Variants in FGGY observed in about 807,000 individuals in gnomAD.
FGGY encodes FGGY carbohydrate kinase domain-containing protein.
FGGY carries 72 observed loss-of-function variants against 71.3 expected under a neutral mutation model. The observed-to-expected ratio is 1.01, with a 90% CI of 0.84 to 1.23. The LOEUF (loss-of-function observed/expected upper bound fraction) is 1.23, where lower values mean the gene tolerates loss of function less well. FGGY is among the 50% of genes most tolerant of loss of function. The pLI is 0.00. For missense variants in FGGY, 668 were observed against 682.3 expected, an observed-to-expected ratio of 0.98 and a Z score of 0.23; for synonymous variants, 251 against 250.3, an observed-to-expected ratio of 1.00 and a Z score of -0.02.
chr1:59,716,142 T>A (rs2097844555), intron 14 of FGGY, among the ~76,000 whole-genome samples: 1 of 152,196 alleles, frequency 6.6e-6, no homozygotes, highest in South Asian at 2.1e-4. Flanking sequence ...CAGGTAGGAC[T>A]AGGATTTGAA....
At chr1:59,484,192 CA>C (rs1489808133) in intron 6 of FGGY, among the ~76,000 whole-genome samples, 4 of 152,114 alleles carry the variant, frequency 2.6e-5, no homozygotes, top group Admixed American at 2.6e-4. Flanking sequence ...GGCCTGACTC[CA>C]AAATCTCATG....
intron 14 of FGGY, among the ~76,000 whole-genome samples, chr1:59,681,891 C>T (rs1039782520): frequency 2.0e-5 from 3 of 152,052 alleles, no homozygotes; most frequent in Non-Finnish European, 2.9e-5. Context: ...AAAAGAGTTT[C>T]AGTTGCAGCA....
intron 14 of FGGY, among the ~76,000 whole-genome samples, chr1:59,700,916 G>C (rs1425101957): frequency 6.6e-6 from 1 of 152,176 alleles, no homozygotes; most frequent in East Asian, 1.9e-4. Context: ...AGGCCCTGGA[G>C]TGGGAATGAA....
intron 5 of FGGY, among the ~76,000 whole-genome samples, chr1:59,394,874 C>G (rs2061140839): frequency 6.6e-6 from 1 of 152,092 alleles, no homozygotes; most frequent in Non-Finnish European, 1.5e-5. Flanking sequence ...ACTCACCAGC[C>G]TTTCAGCCAC....
At chr1:59,755,006 G>A (rs2098278036) in intron 14 of FGGY, 1 of 152,186 alleles carries the variant, frequency 6.6e-6, no homozygotes, top group Admixed American at 6.5e-5. Context: ...CTGCTGGTCT[G>A]TGTCTTCCTG....
At chr1:59,640,925 A>G (rs1023459098) in intron 11 of FGGY, among the ~76,000 whole-genome samples, 4 of 151,032 alleles carry the variant, frequency 2.6e-5, no homozygotes, top group Admixed American at 6.6e-5. Context: ...GCCCTCAGGA[A>G]TATCACCATC....
chr1:59,507,778 C>T lies in FGGY; in HGVS notation c.671-4533C>T, dbSNP rs376715902. Among the ~76,000 whole-genome samples, 84 of 148,698 alleles carry T rather than the reference C, an allele frequency of 5.6e-4. 2 individuals are homozygous for T. In the South Asian group the frequency reaches 0.017, roughly 30 times the overall value. On this transcript the variant is annotated intron_variant, in intron 6 of 15. Transcript: ENST00000303721. ...CTCAAACTCCTGACTTTGTGATCTG[C>T]CTGCCTCGGCCTCCCAAAGTGCTGG...
chr1:59,553,867 T>G (rs944597799), intron 7 of FGGY: 8 of 337,898 alleles, frequency 2.4e-5, no homozygotes, highest in African/African-American at 1.0e-4. Context: ...ATTATGACAA[T>G]CACAATTACT....
At chr1:59,677,653 A>G (rs2097450173) in intron 14 of FGGY, among the ~76,000 whole-genome samples, 1 of 152,116 alleles carries the variant, frequency 6.6e-6, no homozygotes, top group Non-Finnish European at 1.5e-5. Flanking sequence ...TTTTACTTGT[A>G]GCTTTTGTAG....
intron 5 of FGGY, among the ~76,000 whole-genome samples, chr1:59,402,451 A>C (rs144675379): frequency 6.6e-6 from 1 of 152,226 alleles, no homozygotes; most frequent in African/African-American, 2.4e-5. Flanking sequence ...AATTATCAGC[A>C]GTGTGATAGT....
At chr1:59,482,815 T>C (rs528322653) in intron 6 of FGGY, among the ~76,000 whole-genome samples, 1 of 152,070 alleles carries the variant, frequency 6.6e-6, no homozygotes. Flanking sequence ...TTTAAAATTA[T>C]CTAGTTATTA....
chr1:59,571,464 G>T (rs184434598), intron 8 of FGGY, among the ~76,000 whole-genome samples: 1 of 152,262 alleles, frequency 6.6e-6, no homozygotes, highest in Non-Finnish European at 1.5e-5. Flanking sequence ...CTTGATAAGT[G>T]CTTTGCTTTC....
chr1:59,526,222 G>T (rs1407056644), intron 7 of FGGY, among the ~76,000 whole-genome samples: 1 of 152,196 alleles, frequency 6.6e-6, no homozygotes, highest in South Asian at 2.1e-4. Flanking sequence ...ATGAAGAATA[G>T]TCCTGATTAA....
intron 8 of FGGY, among the ~76,000 whole-genome samples, chr1:59,558,088 G>T (rs900311228): frequency 4.6e-5 from 7 of 152,146 alleles, no homozygotes; most frequent in Non-Finnish European, 1.0e-4. Context: ...TCATCTTTCA[G>T]TGCCTCAGTT....
At chr1:59,754,189 T>C (rs966336084) in intron 14 of FGGY, among the ~76,000 whole-genome samples, 2 of 152,232 alleles carry the variant, frequency 1.3e-5, no homozygotes, top group African/African-American at 4.8e-5. Flanking sequence ...ACTGTCATAA[T>C]GGGCTTCATG....
chr1:59,321,734 G>T lies in FGGY; in HGVS notation c.185G>T (p.Cys62Phe), dbSNP rs1435545725. The T allele has an allele frequency of 6.2e-7, 1 of 1,611,066 alleles. No homozygotes were observed. The highest frequency in any genetic ancestry group is 2.2e-5 in the East Asian group (1 of 44,834). ...TCCTCCGAGGACATCTGGGCTGCGT[G>T]CTGTGTTGTCACAAAGGTATGGGCA... ...EQSSEDIWAACCVVTKKVVQG... is the reference protein window; with the variant it reads ...EQSSEDIWAAFCVVTKKVVQG... The change falls in exon 2 of 16, where the codon TGC (cysteine) becomes TTC (phenylalanine). Residue 62 changes from cysteine to phenylalanine, a missense_variant. By Grantham distance (205) the Cys-to-Phe change is radical (BLOSUM62 -2). Transcript: ENST00000303721.
At chr1:59,464,495 A>G (rs994062792) in intron 6 of FGGY, among the ~76,000 whole-genome samples, 2 of 152,192 alleles carry the variant, frequency 1.3e-5, no homozygotes, top group Non-Finnish European at 2.9e-5. Context: ...AGATAGCAGA[A>G]GGCAAGAAAT....
intron 6 of FGGY, among the ~76,000 whole-genome samples, chr1:59,491,132 TTC>T (rs2093844186): frequency 1.1e-5 from 1 of 90,130 alleles, no homozygotes; most frequent in Non-Finnish European, 2.1e-5. Context: ...CCTTCCTTCC[TTC>T]CTTCCTTCCT....
chr1:59,685,909 G>A (rs1558795936), intron 14 of FGGY, among the ~76,000 whole-genome samples: 3 of 152,204 alleles, frequency 2.0e-5, no homozygotes, highest in Non-Finnish European at 4.4e-5. Context: ...GCAAAACTGG[G>A]AAAAGTGTCA....
Sources: allele counts gnomAD v4.1 joint callset (sites outside exome capture counted in the v4.1 genomes callset), GRCh38; gene constraint gnomAD v4.1.1; transcripts MANE v1.5; gene names NCBI Gene and HGNC (gene_info 2026-07-23, HGNC 2026-07-21).